MOV10L1: variants seen among roughly 807,000 people sequenced by gnomAD.
MOV10L1 encodes Mov10 like RNA helicase 1, also known as RNA helicase Mov10l1.
A neutral mutation model predicts 143.8 loss-of-function variants in MOV10L1; 110 were observed. The observed-to-expected ratio is 0.76, with a 90% CI of 0.66 to 0.90. MOV10L1 has a LOEUF of 0.90. Ranked by LOEUF, MOV10L1 falls within the 40% of genes least tolerant of loss-of-function variation. MOV10L1 has a pLI of 0.00. For synonymous variants in MOV10L1, 593 were observed against 581.1 expected (o/e 1.02, Z -0.29); for missense variants, 1,406 against 1,526.8 (o/e 0.92, Z 1.32).
intron 13 of MOV10L1, among the ~76,000 whole-genome samples, chr22:50,133,708 T>TA (rs1267961660): frequency 2.0e-5 from 3 of 152,048 alleles, no homozygotes; most frequent in Admixed American, 2.0e-4. Context: ...TATGCCTGGC[T>TA]AATTTTTGTA....
At chr22:50,113,502 T>C (rs1202484905) in intron 5 of MOV10L1, 146 bp from the exon 6 acceptor site, 31 of 1,113,262 alleles carry the variant, frequency 2.8e-5, no homozygotes, top group Non-Finnish European at 3.9e-5. Flanking sequence ...GCCATCCTCC[T>C]TAGAAACCTA....
intron 3 of MOV10L1, 84 bp from the exon 4 acceptor site, chr22:50,108,052 G>A (rs2061920717): frequency 2.5e-6 from 3 of 1,200,530 alleles, no homozygotes; most frequent in East Asian, 4.8e-5. Flanking sequence ...CCTCAGGTAT[G>A]ATAGAAATGA....
At chr22:50,149,806 G>T (rs761079997) in intron 20 of MOV10L1, 92 bp downstream of exon 20, 13 of 1,191,014 alleles carry the variant, frequency 1.1e-5, no homozygotes, top group Non-Finnish European at 1.6e-5. Flanking sequence ...AGTCACAGCT[G>T]TACAGGGGTC....
At chr22:50,109,714 C>A in intron 5 of MOV10L1, 1 of 194,246 alleles carries the variant, frequency 5.1e-6, no homozygotes, top group South Asian at 8.4e-5. Context: ...TGGTGGTGTG[C>A]ACCTCCGGTC....
intron 3 of MOV10L1, among the ~76,000 whole-genome samples, chr22:50,106,206 G>A (rs1388643789): frequency 1.3e-5 from 2 of 152,218 alleles, no homozygotes; most frequent in East Asian, 1.9e-4. Flanking sequence ...CACCCAGGCT[G>A]GAGTGCAGTG....
intron 2 of MOV10L1, among the ~76,000 whole-genome samples, chr22:50,098,313 C>T (rs918916816): frequency 1.6e-5 from 2 of 128,856 alleles, no homozygotes. Context: ...ATAATTAAGT[C>T]TTAAGATTGT....
At chr22:50,127,835 C>T (rs12167234) in intron 12 of MOV10L1, among the ~76,000 whole-genome samples, 6,351 of 151,390 alleles carry the variant, frequency 0.042, 218 homozygotes, top group African/African-American at 0.087. Context: ...TACAGTGGTA[C>T]GATCTTGGCT....
chr22:50,116,336 A>G (rs1315635604), intron 8 of MOV10L1, among the ~76,000 whole-genome samples: 1 of 151,726 alleles, frequency 6.6e-6, no homozygotes, highest in Non-Finnish European at 1.5e-5. Context: ...AGTCCCAGCT[A>G]CTCAGGAGGC....
intron 12 of MOV10L1, among the ~76,000 whole-genome samples, chr22:50,128,126 T>G (rs1051947405): frequency 6.6e-6 from 1 of 152,154 alleles, no homozygotes; most frequent in African/African-American, 2.4e-5. Context: ...CCCTTGTGGT[T>G]GTTTTGTTTG....
intron 19 of MOV10L1, chr22:50,146,889 T>A (rs1183701618): frequency 1.1e-5 from 7 of 616,412 alleles, no homozygotes; most frequent in Non-Finnish European, 2.0e-5. Context: ...TTTTTTTTGG[T>A]TCAAGTCTTC....
At chr22:50,143,277 C>G (rs1277832992) in intron 17 of MOV10L1, 56 bp downstream of exon 17, 2 of 1,563,568 alleles carry the variant, frequency 1.3e-6, no homozygotes, top group Admixed American at 3.3e-5. Flanking sequence ...CATGTGTCGT[C>G]TGTGTCTTCA....
intron 16 of MOV10L1, 80 bp from the exon 17 acceptor site, chr22:50,142,963 G>T: frequency 7.3e-7 from 1 of 1,377,388 alleles, no homozygotes; most frequent in Non-Finnish European, 1.0e-6. Flanking sequence ...ACGTGCTGAC[G>T]CCTGACCTAG....
chr22:50,131,821 A>G (rs1248025881), intron 13 of MOV10L1, among the ~76,000 whole-genome samples: 1 of 152,160 alleles, frequency 6.6e-6, no homozygotes, highest in African/African-American at 2.4e-5. Context: ...CTTGACACCA[A>G]CATTACAGGG....
intron 7 of MOV10L1, 41 bp downstream of exon 7, chr22:50,114,663 G>A (rs2062119107): frequency 1.9e-6 from 3 of 1,604,456 alleles, no homozygotes; most frequent in South Asian, 1.1e-5. Context: ...GGTCGGGTGG[G>A]CTGGGGGCCG....
At position 50,131,531 on chromosome 22, in the gene MOV10L1, C is replaced by T. The variant is rs188656536; in HGVS notation, c.1911-2476C>T. Among the ~76,000 whole-genome samples, 4 of 152,168 alleles carry T rather than the reference C, an allele frequency of 2.6e-5. No individual in the cohort carries two copies. In the East Asian group the frequency reaches 5.8e-4, roughly 22 times the overall value. On this transcript the variant is annotated intron_variant, in intron 13 of 26. Transcript: ENST00000262794. ...AATCTGTAACTAATTTGGATCTCAA[C>T]GATTTTATCCTGTTTAGAAACTTGG...
chr22:50,112,932 A>C (rs952351244), intron 5 of MOV10L1, among the ~76,000 whole-genome samples: 2 of 152,066 alleles, frequency 1.3e-5, no homozygotes, highest in African/African-American at 2.4e-5. Context: ...CCAAACAGGC[A>C]CCCGCCAGGA....
chr22:50,108,215 A>G lies in MOV10L1; in HGVS notation c.522A>G (p.Ser174=), dbSNP rs142118846. 1.2e-6 allele frequency: 2 copies of G among 1,613,944 alleles called. No homozygotes were observed. The highest frequency in any genetic ancestry group is 1.7e-6 in the Non-Finnish European group (2 of 1,180,004). The change falls in exon 4 of 27, where the codon TCA becomes TCG. Residue 174 remains serine (S), a synonymous_variant. Coordinates refer to ENST00000262794, the MANE Select transcript of MOV10L1 (RefSeq NM_018995.3). The part of the protein sequence containing the change: ...RPGTWSSEAT[S]VKPLRYKRVD... ...GCACGTGGAGCAGCGAAGCCACCTC[A>G]GTGAAGCCACTGAGATACAAGCGCG...
intron 16 of MOV10L1, 88 bp from the exon 17 acceptor site, chr22:50,142,955 G>A (rs868591396): frequency 8.4e-5 from 108 of 1,280,192 alleles, no homozygotes; most frequent in Non-Finnish European, 3.3e-5. Flanking sequence ...TTGCACAGAC[G>A]TGCTGACGCC....
At chr22:50,153,559 C>T (rs562747037) in intron 22 of MOV10L1, among the ~76,000 whole-genome samples, 1 of 152,270 alleles carries the variant, frequency 6.6e-6, no homozygotes, top group African/African-American at 2.4e-5. Context: ...GCCCCAGGGC[C>T]GCAGGAAGCT....
Sources: allele counts gnomAD v4.1 joint callset (sites outside exome capture counted in the v4.1 genomes callset), GRCh38; gene constraint gnomAD v4.1.1; transcripts MANE v1.5; gene names NCBI Gene and HGNC (gene_info 2026-07-23, HGNC 2026-07-21).